The following MYO1D variants were observed in gnomAD, a reference collection of about 807,000 sequenced individuals.
MYO1D encodes the protein unconventional myosin-Id.
In MYO1D, 83 loss-of-function variants were observed where a neutral mutation model predicts 122.0. That is an observed-to-expected ratio of 0.68 (90% CI 0.57 to 0.82). The LOEUF (loss-of-function observed/expected upper bound fraction) is 0.82. Among genes scored for constraint, MYO1D ranks in the 40% least tolerant of loss-of-function variants. MYO1D has a pLI of 0.00. For missense variants in MYO1D, 1,157 were observed against 1,269.5 expected (o/e 0.91, Z 1.35); for synonymous variants, 464 against 446.9 (o/e 1.04, Z -0.48).
At chr17:32,635,511 G>A (rs2543974) in intron 20 of MYO1D, among the ~76,000 whole-genome samples, 31,523 of 152,012 alleles carry the variant, frequency 0.21, 4,160 homozygotes, top group African/African-American at 0.37. Flanking sequence ...CCAGCCTGGT[G>A]AAACCCCATC....
intron 1 of MYO1D, among the ~76,000 whole-genome samples, chr17:32,857,772 C>A (rs973116146): frequency 6.6e-6 from 1 of 152,130 alleles, no homozygotes; most frequent in African/African-American, 2.4e-5. Flanking sequence ...TCAATAAAGG[C>A]CTTCCTTAAC....
chr17:32,813,382 T>C (rs1000796214), intron 1 of MYO1D, among the ~76,000 whole-genome samples: 4 of 152,102 alleles, frequency 2.6e-5, no homozygotes, highest in African/African-American at 4.8e-5. Flanking sequence ...TATATTACAG[T>C]ACAAATGAAA....
At chr17:32,714,540 G>A (rs1460611673) in intron 15 of MYO1D, among the ~76,000 whole-genome samples, 1 of 152,096 alleles carries the variant, frequency 6.6e-6, no homozygotes, top group Non-Finnish European at 1.5e-5. Flanking sequence ...GAACATACCT[G>A]TGCATGTATC....
intron 1 of MYO1D, among the ~76,000 whole-genome samples, chr17:32,790,976 C>A (rs1008055206): frequency 6.6e-6 from 1 of 152,092 alleles, no homozygotes; most frequent in Non-Finnish European, 1.5e-5. Flanking sequence ...TCTTGTTGAG[C>A]CAGAAAGTAG....
intron 20 of MYO1D, among the ~76,000 whole-genome samples, chr17:32,605,481 C>CCA (rs2087616273): frequency 6.6e-6 from 1 of 151,570 alleles, no homozygotes; most frequent in Admixed American, 6.6e-5. Flanking sequence ...TCAGTGACCC[C>CCA]CTGACTTTAA....
intron 16 of MYO1D, among the ~76,000 whole-genome samples, chr17:32,708,729 T>C (rs536859483): frequency 6.6e-6 from 1 of 152,308 alleles, no homozygotes; most frequent in African/African-American, 2.4e-5. Context: ...GACCCTTATA[T>C]TCCCTACTCC....
intron 1 of MYO1D, among the ~76,000 whole-genome samples, chr17:32,784,327 T>C (rs1161877916): frequency 6.6e-6 from 1 of 152,202 alleles, no homozygotes; most frequent in African/African-American, 2.4e-5. Context: ...TGGTTCCTTC[T>C]TCCCCATGTG....
At chr17:32,681,702 T>G (rs1368025806) in intron 16 of MYO1D, among the ~76,000 whole-genome samples, 1 of 149,388 alleles carries the variant, frequency 6.7e-6, no homozygotes, top group South Asian at 2.1e-4. Flanking sequence ...AGGTGTGGTG[T>G]GGTGCTGAAA....
At chr17:32,730,723 C>CT (rs1453755043) in intron 14 of MYO1D, among the ~76,000 whole-genome samples, 1 of 152,060 alleles carries the variant, frequency 6.6e-6, no homozygotes. Flanking sequence ...TACTAGGTGT[C>CT]TATATGCAGA....
chr17:32,647,345 C>T lies in MYO1D; in HGVS notation c.2595+6498G>A, dbSNP rs1199281472. On this transcript the variant is annotated intron_variant, in intron 19 of 21. Coordinates refer to ENST00000318217, the MANE Select transcript of MYO1D (RefSeq NM_015194.3). ...CTTGGGATTGAACAGTTTCTAAAGT[C>T]GTATTTAAGCTATAGGGTGAACAAA... is the stretch of plus-strand genomic sequence containing the variant. Among the ~76,000 whole-genome samples the T allele has an allele frequency of 2.0e-5, 3 of 152,228 alleles. No individual in the cohort carries two copies. In the South Asian group the frequency reaches 6.2e-4, roughly 32 times the overall value.
At chr17:32,553,086 A>AC (rs940530639) in intron 21 of MYO1D, among the ~76,000 whole-genome samples, 4 of 134,414 alleles carry the variant, frequency 3.0e-5, no homozygotes, top group South Asian at 2.2e-4. Context: ...ACAAAAAAAA[A>AC]AAAACAAAAA....
chr17:32,531,349 G>A (rs758943372), intron 21 of MYO1D: 1 of 152,246 alleles, frequency 6.6e-6, no homozygotes, highest in Non-Finnish European at 1.5e-5. Flanking sequence ...TGGAGAAAGA[G>A]AGCTGGGTTG....
Position 32,653,826 on chromosome 17 carries a change from G to A in MYO1D, c.2595+17C>T. ...AGTCTTTCCTTTCCAAGATGATCTG[G>A]TTTAAGCTTGCCTTACCTTACGGAC... On this transcript the variant is annotated intron_variant, in intron 19 of 21. Transcript: ENST00000318217. The A allele has an allele frequency of 6.3e-7, 1 of 1,596,378 alleles. No individual in the cohort carries two copies. The highest frequency in any genetic ancestry group is 1.1e-5 in the South Asian group (1 of 90,528).
At chr17:32,509,697 C>T (rs936443805) in intron 21 of MYO1D, among the ~76,000 whole-genome samples, 3 of 152,150 alleles carry the variant, frequency 2.0e-5, no homozygotes, top group African/African-American at 7.2e-5. Flanking sequence ...CAGGCAATTC[C>T]CCTGCCTCAG....
intron 21 of MYO1D, among the ~76,000 whole-genome samples, chr17:32,558,420 G>A (rs1184687521): frequency 1.3e-5 from 2 of 152,178 alleles, no homozygotes; most frequent in African/African-American, 4.8e-5. Context: ...ATTACATTGT[G>A]CTTTTTCACT....
intron 19 of MYO1D, among the ~76,000 whole-genome samples, chr17:32,649,249 G>C (rs541482190): frequency 6.6e-6 from 1 of 152,128 alleles, no homozygotes; most frequent in South Asian, 2.1e-4. Context: ...ATGCTTCATT[G>C]GCATTAAGCA....
intron 20 of MYO1D, among the ~76,000 whole-genome samples, chr17:32,618,290 C>A (rs1208220309): frequency 6.6e-6 from 1 of 152,286 alleles, no homozygotes; most frequent in African/African-American, 2.4e-5. Flanking sequence ...TTGTAATCAA[C>A]TGATTAAAAG....
intron 11 of MYO1D, among the ~76,000 whole-genome samples, chr17:32,751,417 TA>T (rs1178543258): frequency 6.6e-6 from 1 of 152,078 alleles, no homozygotes; most frequent in Non-Finnish European, 1.5e-5. Flanking sequence ...AGAAGACATT[TA>T]AAAAATCTCT....
At chr17:32,777,663 C>T (rs751703719) in intron 3 of MYO1D, among the ~76,000 whole-genome samples, 2 of 152,058 alleles carry the variant, frequency 1.3e-5, no homozygotes, top group Non-Finnish European at 2.9e-5. Context: ...GAATCCTGTT[C>T]GGCCGGGCGC....
Sources: gnomAD v4.1 joint callset for allele counts (sites outside exome capture counted in the v4.1 genomes callset) on GRCh38, gnomAD v4.1.1 for gene constraint, MANE v1.5 for transcripts, NCBI Gene and HGNC (gene_info 2026-07-23, HGNC 2026-07-21) for gene names.